CNOT6: variants seen among roughly 807,000 people sequenced by gnomAD.
CNOT6 encodes carbon catabolite repression 4 protein.
In CNOT6, 12 loss-of-function variants were observed where a neutral mutation model predicts 61.2. That is an observed-to-expected ratio of 0.20 (90% confidence interval 0.13 to 0.32). CNOT6 has a LOEUF of 0.32. CNOT6 is among the 10% of genes least tolerant of loss of function. The pLI, the probability that CNOT6 is intolerant of heterozygous loss-of-function variation, is 1.00. For synonymous variants in CNOT6, 225 were observed against 240.6 expected (o/e 0.94, Z 0.60); for missense variants, 405 against 663.9 (o/e 0.61, Z 4.28).
At chr5:180,549,626 G>A (rs1044242310) in intron 2 of CNOT6, among the ~76,000 whole-genome samples, 10 of 151,914 alleles carry the variant, frequency 6.6e-5, no homozygotes, top group Non-Finnish European at 1.0e-4. Flanking sequence ...TCCAGCCTGG[G>A]CAACAGAGCG....
intron 2 of CNOT6, among the ~76,000 whole-genome samples, chr5:180,530,322 G>A (rs1033968819): frequency 6.6e-6 from 1 of 152,210 alleles, no homozygotes; most frequent in Non-Finnish European, 1.5e-5. Flanking sequence ...TGGAGCTTAT[G>A]ACATTAGGGA....
chr5:180,527,568 G>A lies in CNOT6; in HGVS notation c.-2-1707G>A, dbSNP rs1758157871. Among the ~76,000 whole-genome samples the A allele has an allele frequency of 3.3e-5, 5 of 152,242 alleles. No homozygotes were observed. In the South Asian group the frequency reaches 1.0e-3, roughly 32 times the overall value. ...CACGTTCCTCTAGATCCCTTACTTT[G>A]TGTAAACTAGTATCAGATCTAGAGA... On this transcript the variant is annotated intron_variant, in intron 1 of 11. Transcript: ENST00000261951.
chr5:180,549,872 TACAG>T, intron 2 of CNOT6, 55 bp from the exon 3 acceptor site: 1 of 1,301,074 alleles, frequency 7.7e-7, no homozygotes, highest in African/African-American at 1.5e-5. Flanking sequence ...TACTGAAATC[TACAG>T]AACAAAATGT....
At chr5:180,500,010 CATAA>C (rs762313263) in intron 1 of CNOT6, among the ~76,000 whole-genome samples, 4 of 152,274 alleles carry the variant, frequency 2.6e-5, no homozygotes, top group South Asian at 4.1e-4. Context: ...CAGAATAGCA[CATAA>C]ATAAACAGGA....
At chr5:180,537,180 T>G (rs1331180178) in intron 2 of CNOT6, among the ~76,000 whole-genome samples, 1 of 152,234 alleles carries the variant, frequency 6.6e-6, no homozygotes, top group Admixed American at 6.5e-5. Context: ...GAGGCATGAT[T>G]GCTGAATTAT....
intron 2 of CNOT6, among the ~76,000 whole-genome samples, chr5:180,536,030 C>T (rs1174119546): frequency 1.7e-5 from 2 of 115,590 alleles, no homozygotes; most frequent in African/African-American, 7.0e-5. Context: ...CAGTCTCACT[C>T]TGTTGCCCAG....
At chr5:180,515,720 T>G (rs1228333603) in intron 1 of CNOT6, among the ~76,000 whole-genome samples, 1 of 151,962 alleles carries the variant, frequency 6.6e-6, no homozygotes, top group Non-Finnish European at 1.5e-5. Flanking sequence ...GGAGCCTGAT[T>G]ACTAAAAAAA....
At chr5:180,566,963 GTTACATTCT>G in intron 7 of CNOT6, 116 bp from the exon 8 acceptor site, 1 of 943,676 alleles carries the variant, frequency 1.1e-6, no homozygotes, top group Non-Finnish European at 1.5e-6. Context: ...CCGGAAAGAT[GTTACATTCT>G]TTAATCTGCA....
Position 180,519,778 on chromosome 5 carries a change from T to A in CNOT6, c.-2-9497T>A, listed in dbSNP as rs548962741. Among the ~76,000 whole-genome samples, 8 of 148,722 alleles carry A rather than the reference T, an allele frequency of 5.4e-5. 1 individual carries two copies. In the South Asian group the frequency reaches 1.3e-3, roughly 24 times the overall value. ...CAGTTAATCGATTCTTTTTTTTTTT[T>A]ATTGTTCAGTAGTATTTAGTGGTGT... On this transcript the variant is annotated intron_variant, in intron 1 of 11. Coordinates refer to ENST00000261951, the MANE Select transcript of CNOT6 (RefSeq NM_001370472.1).
chr5:180,497,719 G>A (rs1042140810), intron 1 of CNOT6, among the ~76,000 whole-genome samples: 1 of 152,180 alleles, frequency 6.6e-6, no homozygotes, highest in Admixed American at 6.6e-5. Context: ...TAACAAAAGT[G>A]TGATTAATAA....
At chr5:180,502,193 G>A (rs368076369) in intron 1 of CNOT6, among the ~76,000 whole-genome samples, 6 of 152,118 alleles carry the variant, frequency 3.9e-5, no homozygotes, top group Non-Finnish European at 7.4e-5. Context: ...GTTTCCAAAC[G>A]TTCCCCTGAT....
At chr5:180,519,250 A>C (rs1757781565) in intron 1 of CNOT6, among the ~76,000 whole-genome samples, 1 of 152,210 alleles carries the variant, frequency 6.6e-6, no homozygotes, top group South Asian at 2.1e-4. Flanking sequence ...ATGTTGGTTC[A>C]TTGGTAGAGA....
At chr5:180,495,912 A>T (rs1258951732) in intron 1 of CNOT6, among the ~76,000 whole-genome samples, 1 of 152,034 alleles carries the variant, frequency 6.6e-6, no homozygotes, top group African/African-American at 2.4e-5. Flanking sequence ...GTCTTTATTT[A>T]ATTTATTTAT....
chr5:180,546,374 T>A (rs896683760), intron 2 of CNOT6, among the ~76,000 whole-genome samples: 4 of 152,264 alleles, frequency 2.6e-5, no homozygotes, highest in Admixed American at 6.5e-5. Flanking sequence ...GAGCTTTTTT[T>A]AAATCATTCC....
At chr5:180,542,156 T>C (rs1215166755) in intron 2 of CNOT6, among the ~76,000 whole-genome samples, 1 of 152,208 alleles carries the variant, frequency 6.6e-6, no homozygotes, top group Non-Finnish European at 1.5e-5. Flanking sequence ...AGTGTGATAA[T>C]GATGTGTCTT....
At chr5:180,526,063 C>T (rs1223608717) in intron 1 of CNOT6, among the ~76,000 whole-genome samples, 5 of 152,126 alleles carry the variant, frequency 3.3e-5, no homozygotes, top group Non-Finnish European at 5.9e-5. Context: ...ATCTCAAAGC[C>T]GTTGGGGTTA....
intron 4 of CNOT6, among the ~76,000 whole-genome samples, chr5:180,554,399 C>T (rs1334887073): frequency 3.7e-5 from 5 of 135,724 alleles, no homozygotes; most frequent in African/African-American, 5.6e-5. Flanking sequence ...GCCTGGGTGA[C>T]AGAGCGAGAC....
intron 1 of CNOT6, among the ~76,000 whole-genome samples, chr5:180,497,902 G>A (rs941810078): frequency 6.6e-6 from 1 of 152,024 alleles, no homozygotes; most frequent in Non-Finnish European, 1.5e-5. Flanking sequence ...AATTAGCCAG[G>A]CGCAGTGGCA....
chr5:180,555,506 T>C (rs533423729), intron 4 of CNOT6, among the ~76,000 whole-genome samples: 2 of 152,350 alleles, frequency 1.3e-5, no homozygotes, highest in African/African-American at 4.8e-5. Flanking sequence ...ATCTCACATA[T>C]CCTGCTGGAC....
Sources: allele counts gnomAD v4.1 joint callset (sites outside exome capture counted in the v4.1 genomes callset), GRCh38; gene constraint gnomAD v4.1.1; transcripts MANE v1.5; gene names NCBI Gene and HGNC (gene_info 2026-07-23, HGNC 2026-07-21).